CALN1: variants seen among roughly 807,000 people sequenced by gnomAD.
CALN1 encodes the protein calcium-binding protein 8.
Under a neutral mutation model 30.6 loss-of-function variants are expected in CALN1, and 17 were observed. The ratio of observed to expected loss-of-function variants is 0.56; its 90% CI spans 0.38 to 0.83. CALN1 has a LOEUF of 0.83. Among genes scored for constraint, CALN1 ranks in the 40% least tolerant of loss-of-function variants. CALN1 has a pLI of 0.00. For synonymous variants in CALN1, 156 were observed against 131.4 expected (o/e 1.19, Z -1.28); for missense variants, 291 against 354.9 (o/e 0.82, Z 1.45).
At chr7:71,946,355 A>ATTTC (rs1158447603) in intron 5 of CALN1, among the ~76,000 whole-genome samples, 3 of 144,072 alleles carry the variant, frequency 2.1e-5, no homozygotes, top group South Asian at 2.2e-4. Context: ...AGCGGGTTCC[A>ATTTC]TTTCTTTCTT....
chr7:72,332,683 C>G (rs1801755863), intron 2 of CALN1, among the ~76,000 whole-genome samples: 1 of 152,148 alleles, frequency 6.6e-6, no homozygotes, highest in South Asian at 2.1e-4. Context: ...CAGGGATGTT[C>G]TTAATCCTGT....
At chr7:72,126,123 C>T (rs1012444705) in intron 3 of CALN1, among the ~76,000 whole-genome samples, 6 of 152,128 alleles carry the variant, frequency 3.9e-5, no homozygotes, top group African/African-American at 1.4e-4. Flanking sequence ...TATGCCTCTG[C>T]ATCCTCATAG....
intron 4 of CALN1, among the ~76,000 whole-genome samples, chr7:72,068,329 T>C (rs188172897): frequency 6.6e-6 from 1 of 152,328 alleles, no homozygotes; most frequent in East Asian, 1.9e-4. Context: ...GTTCTAATAT[T>C]TTCTTTTTAT....
intron 5 of CALN1, among the ~76,000 whole-genome samples, chr7:71,925,014 G>A (rs1680573115): frequency 6.6e-6 from 1 of 152,210 alleles, no homozygotes; most frequent in South Asian, 2.1e-4. Flanking sequence ...GCCGAGGTGG[G>A]CAGACTACTT....
intron 2 of CALN1, among the ~76,000 whole-genome samples, chr7:72,327,390 G>A (rs991899550): frequency 4.6e-5 from 7 of 152,232 alleles, no homozygotes; most frequent in African/African-American, 1.7e-4. Flanking sequence ...TCAGGAGGCT[G>A]ACGCAGGGGA....
At chr7:72,070,149 T>C (rs1168287467) in intron 4 of CALN1, among the ~76,000 whole-genome samples, 2 of 152,192 alleles carry the variant, frequency 1.3e-5, no homozygotes, top group Admixed American at 6.5e-5. Flanking sequence ...ACAGCCTCTC[T>C]GTCAAAACTA....
intron 5 of CALN1, among the ~76,000 whole-genome samples, chr7:71,918,941 T>C (rs1794809537): frequency 6.6e-6 from 1 of 152,246 alleles, no homozygotes; most frequent in Non-Finnish European, 1.5e-5. Context: ...CCATATTTTA[T>C]TATTTGTGGG....
intron 3 of CALN1, among the ~76,000 whole-genome samples, chr7:72,174,357 T>G (rs1789184319): frequency 6.6e-6 from 1 of 152,142 alleles, no homozygotes; most frequent in Non-Finnish European, 1.5e-5. Flanking sequence ...CCATCTATCA[T>G]GCAACCCACC....
At chr7:71,953,409 T>C (rs997789739) in intron 5 of CALN1, among the ~76,000 whole-genome samples, 1 of 152,202 alleles carries the variant, frequency 6.6e-6, no homozygotes, top group African/African-American at 2.4e-5. Flanking sequence ...AATGGATTTA[T>C]CATCTTAAAT....
At chr7:71,814,007 T>G (rs1311769788) in intron 5 of CALN1, among the ~76,000 whole-genome samples, 1 of 149,040 alleles carries the variant, frequency 6.7e-6, no homozygotes, top group Non-Finnish European at 1.5e-5. Context: ...GCTACACGGG[T>G]CCCAGGAAGG....
At chr7:71,997,926 C>T (rs1372245744) in intron 5 of CALN1, among the ~76,000 whole-genome samples, 1 of 152,016 alleles carries the variant, frequency 6.6e-6, no homozygotes, top group Non-Finnish European at 1.5e-5. Context: ...GTTCAAGCGA[C>T]TCTTGTGCCT....
intron 2 of CALN1, among the ~76,000 whole-genome samples, chr7:72,295,901 T>C (rs1469493571): frequency 4.0e-5 from 6 of 151,802 alleles, no homozygotes; most frequent in Admixed American, 3.3e-4. Context: ...CAACACTATG[T>C]TGAATAGGAG....
chr7:72,398,912 A>C (rs1806155077), intron 2 of CALN1, among the ~76,000 whole-genome samples: 1 of 152,234 alleles, frequency 6.6e-6, no homozygotes. Context: ...AAGACCACAC[A>C]GTGAATTGAG....
At chr7:72,076,281 G>A (rs1289316516) in intron 4 of CALN1, among the ~76,000 whole-genome samples, 4 of 151,386 alleles carry the variant, frequency 2.6e-5, no homozygotes, top group African/African-American at 4.9e-5. Context: ...CATGTACCCC[G>A]GAACTTAAAA....
intron 5 of CALN1, among the ~76,000 whole-genome samples, chr7:71,824,202 T>A (rs993731054): frequency 2.6e-5 from 4 of 151,352 alleles, no homozygotes; most frequent in Non-Finnish European, 4.4e-5. Context: ...AGAGGTTGGA[T>A]AATGTATGCA....
At chr7:72,379,066 C>A (rs761617293) in intron 2 of CALN1, among the ~76,000 whole-genome samples, 1 of 152,130 alleles carries the variant, frequency 6.6e-6, no homozygotes, top group African/African-American at 2.4e-5. Context: ...GTTGGATTAT[C>A]CTTTTTATAT....
At chr7:72,498,520 T>C in the CALN1 span, among the ~76,000 whole-genome samples, 5 of 152,076 alleles carry the variant, frequency 3.3e-5, no homozygotes, top group Non-Finnish European at 7.4e-5. Flanking sequence ...ACAAGGAAAT[T>C]ACATCTTTAA....
In CALN1 at chr7:72,412,332, G is replaced by A. The variant is rs138043175; in HGVS notation, c.-348C>T. On this transcript the variant is annotated 5_prime_UTR_variant, in exon 1 of 7. Coordinates refer to ENST00000395275, the MANE Select transcript of CALN1 (RefSeq NM_031468.4). Reference sequence around the variant, plus strand: ...AAACTCAAGCGGATAGCACCCCAGCGAGCTTCCCCAGCGGGCTCGGGGAGC... The same window carrying A: ...AAACTCAAGCGGATAGCACCCCAGCAAGCTTCCCCAGCGGGCTCGGGGAGC... 30 of 152,086 alleles carry A rather than the reference G, an allele frequency of 2.0e-4. No individual in the cohort carries two copies. Among genetic ancestry groups the A allele is most frequent in the African/African-American group, 4.4e-4 (18 of 41,368 alleles). The allele number at this position is 152,086 out of a possible 1,614,324, so 9.4% of individuals were successfully genotyped here.
rs552941683 is a variant in CALN1, at chr7:72,125,543, T to G, written c.245-19249A>C. ...GCTACAGAAATTTTTTTTAAAAAAA[T>G]GGAAGAGTAAAGTAGACAGCGGTAC... On this transcript the variant is annotated intron_variant, in intron 3 of 6. Transcript: ENST00000395275. 2.0e-5 allele frequency among the ~76,000 whole-genome samples: 3 copies of G among 152,234 alleles called. No individual in the cohort carries two copies. The South Asian group carries it at 6.2e-4, about 32-fold the overall frequency.
Sources: gnomAD v4.1 joint callset for allele counts (sites outside exome capture counted in the v4.1 genomes callset) on GRCh38, gnomAD v4.1.1 for gene constraint, MANE v1.5 for transcripts, NCBI Gene and HGNC (gene_info 2026-07-23, HGNC 2026-07-21) for gene names.